LYPLAL1: variants seen among roughly 807,000 people sequenced by gnomAD.
LYPLAL1 encodes lysophospholipase-like protein 1.
Under a neutral mutation model 19.7 loss-of-function variants are expected in LYPLAL1, and 23 were observed. That is an observed-to-expected ratio of 1.17 (90% CI 0.84 to 1.65). The LOEUF is 1.65. LYPLAL1 is among the 40% of genes most tolerant of loss of function. The pLI, the probability that LYPLAL1 is intolerant of heterozygous loss-of-function variation, is 0.00. For missense variants in LYPLAL1, 355 were observed against 279.4 expected, an observed-to-expected ratio of 1.27 and a Z score of -1.93; for synonymous variants, 119 against 96.3, an observed-to-expected ratio of 1.24 and a Z score of -1.38.
chr1:219,184,250 T>C (rs1281725032), intron 2 of LYPLAL1, among the ~76,000 whole-genome samples: 1 of 151,938 alleles, frequency 6.6e-6, no homozygotes, highest in Non-Finnish European at 1.5e-5. Flanking sequence ...AGAAGTCTTT[T>C]GCTAAATTTA....
the LYPLAL1 span, among the ~76,000 whole-genome samples, chr1:219,283,987 C>T: frequency 6.6e-6 from 1 of 152,128 alleles, no homozygotes; most frequent in East Asian, 1.9e-4. Context: ...ATTGTAATTC[C>T]CACGTATGGA....
chr1:219,325,894 T>C, the LYPLAL1 span, among the ~76,000 whole-genome samples: 1 of 152,316 alleles, frequency 6.6e-6, no homozygotes, highest in East Asian at 1.9e-4. Flanking sequence ...ATCCTAAAGG[T>C]ATGTCCATCC....
chr1:219,439,994 C>T, the LYPLAL1 span, among the ~76,000 whole-genome samples: 37 of 117,636 alleles, frequency 3.1e-4, no homozygotes, highest in Admixed American at 9.8e-4. Flanking sequence ...TATATATACA[C>T]ACATATATAT....
At chr1:219,196,707 C>A (rs1044406302) in intron 3 of LYPLAL1, among the ~76,000 whole-genome samples, 2 of 152,138 alleles carry the variant, frequency 1.3e-5, no homozygotes, top group African/African-American at 2.4e-5. Flanking sequence ...AGAAGTCAAA[C>A]TGTGTCTATT....
At chr1:219,213,960 G>A (rs1454742807), downstream of LYPLAL1, among the ~76,000 whole-genome samples, 1 of 152,072 alleles carries the variant, frequency 6.6e-6, no homozygotes, top group Non-Finnish European at 1.5e-5. Context: ...AGACATCCTT[G>A]TCTTGTTCCC....
chr1:219,292,840 C>T, the LYPLAL1 span, among the ~76,000 whole-genome samples: 1 of 152,158 alleles, frequency 6.6e-6, no homozygotes, highest in Non-Finnish European at 1.5e-5. Context: ...CATAGAAGAG[C>T]TATTGAACTA....
chr1:219,326,574 C>T, the LYPLAL1 span, among the ~76,000 whole-genome samples: 12 of 152,042 alleles, frequency 7.9e-5, no homozygotes, highest in South Asian at 2.1e-4. Flanking sequence ...CCTAAGGCCC[C>T]GTATCAACAA....
At chr1:219,249,445 C>T in the LYPLAL1 span, among the ~76,000 whole-genome samples, 1 of 151,898 alleles carries the variant, frequency 6.6e-6, no homozygotes. Context: ...TATTGATGTA[C>T]ATTTGAGTTG....
At chr1:219,257,486 G>A in the LYPLAL1 span, among the ~76,000 whole-genome samples, 2 of 151,152 alleles carry the variant, frequency 1.3e-5, no homozygotes, top group Non-Finnish European at 2.9e-5. Context: ...AGAGTACAAA[G>A]AGAGGAATTT....
the LYPLAL1 span, among the ~76,000 whole-genome samples, chr1:219,240,104 G>C: frequency 2.0e-5 from 3 of 152,208 alleles, no homozygotes; most frequent in African/African-American, 7.2e-5. Context: ...TTACACTACA[G>C]TTGTATGTCT....
downstream of LYPLAL1, among the ~76,000 whole-genome samples, chr1:219,214,683 CTTTTCT>C (rs1659224154): frequency 9.1e-6 from 1 of 110,418 alleles, no homozygotes; most frequent in Non-Finnish European, 1.7e-5. Flanking sequence ...AGCAATTTTT[CTTTTCT>C]TTTTTTTTTT....
chr1:219,274,740 T>C, the LYPLAL1 span, among the ~76,000 whole-genome samples: 4 of 152,152 alleles, frequency 2.6e-5, no homozygotes, highest in Non-Finnish European at 5.9e-5. Flanking sequence ...AGGAAGTAGG[T>C]TCTATTTTCT....
chr1:219,334,524 G>A, the LYPLAL1 span, among the ~76,000 whole-genome samples: 19,354 of 90,154 alleles, frequency 0.21, 1,461 homozygotes, highest in African/African-American at 0.31. Flanking sequence ...ATAATGAAGA[G>A]GGGTGTGTGT....
chr1:219,330,602 G>C, the LYPLAL1 span, among the ~76,000 whole-genome samples: 1 of 152,146 alleles, frequency 6.6e-6, no homozygotes, highest in Non-Finnish European at 1.5e-5. Context: ...ACTAATGTCT[G>C]ATTCAATTGT....
the LYPLAL1 span, among the ~76,000 whole-genome samples, chr1:219,267,707 A>G: frequency 6.6e-6 from 1 of 152,352 alleles, no homozygotes; most frequent in South Asian, 2.1e-4. Flanking sequence ...GCTAGAGAAT[A>G]AGCTTCAATA....
intron 1 of LYPLAL1, 70 bp downstream of exon 1, chr1:219,174,051 TGCCCAAGTGGAGGTGTCGCCGG>T (rs1655596494): frequency 6.3e-7 from 1 of 1,597,852 alleles, no homozygotes; most frequent in Non-Finnish European, 8.5e-7. Context: ...ACCCCAGTAT[TGCCCAAGTGGAGGTGTCGCCGG>T]GCCCAAATAG....
the LYPLAL1 span, among the ~76,000 whole-genome samples, chr1:219,228,861 T>TAGA: frequency 6.6e-6 from 1 of 151,864 alleles, no homozygotes; most frequent in Non-Finnish European, 1.5e-5. Flanking sequence ...GTATTTTTAT[T>TAGA]AGAGACAGGG....
the LYPLAL1 span, among the ~76,000 whole-genome samples, chr1:219,229,318 A>AGAGAGAGAGAGAGAGAGAGAGAGAGAGG: frequency 2.0e-5 from 3 of 149,846 alleles, no homozygotes; most frequent in African/African-American, 7.4e-5. Context: ...AGAGAGAGAG[A>AGAGAGAGAGAGAGAGAGAGAGAGAGAGG]GAGAGAGAGA....
the LYPLAL1 span, among the ~76,000 whole-genome samples, chr1:219,242,343 C>T: frequency 1.3e-5 from 2 of 152,132 alleles, no homozygotes; most frequent in Non-Finnish European, 2.9e-5. Context: ...TGGCATACTA[C>T]CCCATGTCCA....
Sources: allele counts gnomAD v4.1 joint callset (sites outside exome capture counted in the v4.1 genomes callset), GRCh38; gene constraint gnomAD v4.1.1; transcripts MANE v1.5; gene names NCBI Gene and HGNC (gene_info 2026-07-23, HGNC 2026-07-21).